Variants in WNK2 observed in about 807,000 individuals in gnomAD.
The protein encoded by WNK2 is WNK lysine deficient protein kinase 2.
WNK2 carries 67 observed loss-of-function variants against 192.1 expected under a neutral mutation model. That is an observed-to-expected ratio of 0.35 (90% CI 0.29 to 0.43). The LOEUF (loss-of-function observed/expected upper bound fraction) is 0.43, where lower values mean the gene tolerates loss of function less well. Ranked by LOEUF, WNK2 falls within the 20% of genes least tolerant of loss-of-function variation. WNK2 has a pLI of 1.00. For missense variants in WNK2, 2,698 were observed against 3,089.7 expected (o/e 0.87, Z 3.01); for synonymous variants, 1,439 against 1,393.9 (o/e 1.03, Z -0.72).
intron 19 of WNK2, among the ~76,000 whole-genome samples, chr9:93,287,508 C>A (rs1848625847): frequency 6.6e-6 from 1 of 152,166 alleles, no homozygotes. Context: ...CCAGGCACCA[C>A]AGAATAGAGT....
rs967634460 is a variant in WNK2 at position 93,185,161 on chromosome 9, C to T, written c.232C>T (p.Leu78Phe). ...GCCCCTGCAGCGCCGGGTGCTTCTG[C>T]TCTGCAAGACGCGCCGCCTCATCGC... is the stretch of plus-strand genomic sequence containing the variant. ...PQPLQRRVLL[L>F]CKTRRLIAER... is the part of the protein sequence containing the mutation. The change falls in exon 2 of 30, where the codon CTC becomes TTC. Residue 78 changes from leucine (L) to phenylalanine (F), a missense_variant. By Grantham distance (22) the Leu-to-Phe change is conservative. Coordinates refer to ENST00000427277, the MANE Select transcript of WNK2 (RefSeq NM_006648.4). 5 of 1,255,978 alleles carry T rather than the reference C, an allele frequency of 4.0e-6. No homozygotes were observed. The African/African-American group carries it at 6.3e-5, about 16-fold the overall frequency. 77.8% of individuals were successfully genotyped at this position (1,255,978 alleles called of 1,614,324 possible). A position where few individuals can be genotyped will look rare whatever the true frequency, so the allele number is the denominator to read the frequency against.
At chr9:93,208,556 G>A (rs969865303) in intron 2 of WNK2, among the ~76,000 whole-genome samples, 5 of 131,160 alleles carry the variant, frequency 3.8e-5, no homozygotes, top group East Asian at 2.3e-4. Context: ...CTGTGTGCAC[G>A]TGTTTTGCAC....
chr9:93,263,500 T>C, intron 14 of WNK2, 66 bp from the exon 15 acceptor site: 1 of 1,567,924 alleles, frequency 6.4e-7, no homozygotes, highest in South Asian at 1.2e-5. Flanking sequence ...ATAAGCTGAC[T>C]TTCCCCGCCA....
chr9:93,306,648 T>C (rs1250499526), intron 26 of WNK2, 129 bp from the exon 27 acceptor site: 1 of 1,231,996 alleles, frequency 8.1e-7, no homozygotes, highest in East Asian at 2.3e-5. Flanking sequence ...GTCGGCCCTC[T>C]CTCTGAACTG....
rs111660794 is a variant in WNK2, at chr9:93,191,331, T to A, written c.681+5721T>A. On this transcript the variant is annotated intron_variant, in intron 2 of 29. Coordinates refer to ENST00000427277, the MANE Select transcript of WNK2 (RefSeq NM_006648.4). ...AAGGTTCCAGAGGCCTGTGCTTGGG[T>A]CTCAACAGTGCAGGCTTGTGTGTAT... Among the ~76,000 whole-genome samples the A allele has an allele frequency of 3.2e-3, 488 of 152,100 alleles. 3 individuals are homozygous for A. Among genetic ancestry groups the A allele is most frequent in the African/African-American group, 0.011 (457 of 41,488 alleles).
intron 9 of WNK2, 89 bp from the exon 10 acceptor site, chr9:93,256,210 G>A: frequency 7.3e-7 from 1 of 1,371,594 alleles, no homozygotes; most frequent in South Asian, 1.7e-5. Flanking sequence ...ACCAGGCACA[G>A]GGATGACATG....
At chr9:93,320,239 C>A in intron 29 of WNK2, 128 bp from the exon 30 acceptor site, 3 of 1,012,466 alleles carry the variant, frequency 3.0e-6, no homozygotes, top group Non-Finnish European at 4.1e-6. Context: ...CTACACAGGG[C>A]GTGGGTCATG....
chr9:93,227,542 T>C (rs1253075040), intron 2 of WNK2, among the ~76,000 whole-genome samples: 2 of 152,214 alleles, frequency 1.3e-5, no homozygotes, highest in African/African-American at 2.4e-5. Flanking sequence ...TCTGTGTCTT[T>C]GGTGAAGTAT....
At chr9:93,301,594 C>A (rs1851627706) in intron 26 of WNK2, among the ~76,000 whole-genome samples, 1 of 152,176 alleles carries the variant, frequency 6.6e-6, no homozygotes, top group African/African-American at 2.4e-5. Flanking sequence ...CCCCCCCACC[C>A]CTGCGTCTCT....
At chr9:93,310,413 G>GT (rs1199782705) in intron 28 of WNK2, among the ~76,000 whole-genome samples, 1 of 148,904 alleles carries the variant, frequency 6.7e-6, no homozygotes, top group Non-Finnish European at 1.5e-5. Context: ...AGTGTTAAGG[G>GT]TTTTTTTAAA....
In WNK2 at chr9:93,308,456, G is replaced by A. The variant is rs1853015882; in HGVS notation, c.6388G>A (p.Asp2130Asn). The A allele has an allele frequency of 6.2e-7, 1 of 1,610,362 alleles. No homozygotes were observed. Among genetic ancestry groups the A allele is most frequent in the African/African-American group, 1.3e-5 (1 of 74,856 alleles). Residue 2130 changes from aspartate to asparagine, a missense_variant, in exon 28 of 30, where the codon GAC becomes AAC. Asp to Asn is a conservative substitution (Grantham distance 23). Coordinates refer to ENST00000427277, the MANE Select transcript of WNK2 (RefSeq NM_006648.4). ...TFTDDLHKLV[D>N]EWTSKTVGAA... ...CACGGACGACCTGCACAAGCTGGTG[G>A]ACGAGTGGACGAGCAAGACGGTGGG...
Position 93,194,994 on chromosome 9 carries a change from G to T in WNK2, c.681+9384G>T, listed in dbSNP as rs1457188886. ...TATGATTCCAACTAGATGACATTCTGGAAAAGACGAGAAACCATGAAGACA... is the reference window on the plus strand; with the variant it reads ...TATGATTCCAACTAGATGACATTCTTGAAAAGACGAGAAACCATGAAGACA... On this transcript the variant is annotated intron_variant, in intron 2 of 29. Coordinates refer to ENST00000427277, the MANE Select transcript of WNK2 (RefSeq NM_006648.4). Among the ~76,000 whole-genome samples, 3 of 151,336 alleles carry T rather than the reference G, an allele frequency of 2.0e-5. No individual in the cohort carries two copies. The East Asian group carries it at 5.8e-4, about 29-fold the overall frequency.
chr9:93,216,192 C>T (rs1835713571), intron 2 of WNK2, among the ~76,000 whole-genome samples: 1 of 152,132 alleles, frequency 6.6e-6, no homozygotes, highest in African/African-American at 2.4e-5. Flanking sequence ...TCTTCCCAGC[C>T]CTGTTAGACT....
chr9:93,215,758 A>C (rs7019910), intron 2 of WNK2, among the ~76,000 whole-genome samples: 3 of 152,222 alleles, frequency 2.0e-5, no homozygotes, highest in East Asian at 3.9e-4. Flanking sequence ...ATTTCACACA[A>C]ATTTTAAAGT....
At position 93,292,990 on chromosome 9, in the gene WNK2, C is replaced by T. The variant is rs1849616549; in HGVS notation, c.5525C>T (p.Ala1842Val). Residue 1842 changes from alanine to valine, a missense_variant, in exon 23 of 30, where the codon GCC becomes GTC. By Grantham distance (64) the Ala-to-Val change is moderately conservative (BLOSUM62 0). This residue lies in a region of WNK2 where 1,098 missense variants were observed against 1,101.0 expected (regional missense o/e 1.00). Coordinates refer to ENST00000427277, the MANE Select transcript of WNK2 (RefSeq NM_006648.4). ...VAGDFVKKAT[A>V]FLQRPSRAGS... ...GGCGACTTCGTGAAGAAGGCCACCG[C>T]CTTCCTGCAGAGGCCTTCTCGGGCC... The T allele has an allele frequency of 6.4e-7, 1 of 1,566,050 alleles. No homozygotes were observed. The highest frequency in any genetic ancestry group is 8.6e-7 in the Non-Finnish European group (1 of 1,158,312).
intron 2 of WNK2, among the ~76,000 whole-genome samples, chr9:93,208,032 C>A (rs1459428346): frequency 6.6e-6 from 1 of 152,190 alleles, no homozygotes; most frequent in Non-Finnish European, 1.5e-5. Context: ...ATCTCCTCCC[C>A]AGGCCCTGCC....
intron 2 of WNK2, among the ~76,000 whole-genome samples, chr9:93,199,899 CA>C (rs59582411): frequency 9.0e-4 from 97 of 107,632 alleles, no homozygotes; most frequent in Non-Finnish European, 8.3e-4. Context: ...CTCTTTGTCT[CA>C]AAAAAAAAAA....
At chr9:93,236,005 CAG>C (rs1030418812) in intron 5 of WNK2, among the ~76,000 whole-genome samples, 1 of 152,204 alleles carries the variant, frequency 6.6e-6, no homozygotes, top group African/African-American at 2.4e-5. Flanking sequence ...GGAGGGCAGA[CAG>C]AGTCCTTGAC....
In WNK2 at chr9:93,299,614, G is replaced by A. The variant is rs563146405; in HGVS notation, c.6115+353G>A. The stretch of plus-strand genomic sequence containing the variant: ...GCTGCCCCACCCCCACCCCCACAGC[G>A]GAGCCAGATGGTGCTAAACACCGGG... On this transcript the variant is annotated intron_variant, in intron 25 of 29. Transcript: ENST00000427277. Among the ~76,000 whole-genome samples, 7 of 151,300 alleles carry A rather than the reference G, an allele frequency of 4.6e-5. No individual in the cohort carries two copies. The East Asian group carries it at 7.9e-4, about 17-fold the overall frequency.
Sources: allele counts gnomAD v4.1 joint callset (sites outside exome capture counted in the v4.1 genomes callset), GRCh38; gene constraint gnomAD v4.1.1; regional missense constraint gnomAD v4.1.1; transcripts MANE v1.5; gene names NCBI Gene and HGNC (gene_info 2026-07-23, HGNC 2026-07-21).